Variants in KCNV2 observed in about 807,000 individuals in gnomAD.
The protein encoded by KCNV2 is potassium voltage-gated channel subfamily V member 2.
Under a neutral mutation model 37.0 loss-of-function variants are expected in KCNV2, and 65 were observed. That is an observed-to-expected ratio of 1.76 (90% confidence interval 1.44 to 2.16). The LOEUF is 2.16. KCNV2 is among the 30% of genes most tolerant of loss of function. The pLI, the probability that KCNV2 is intolerant of heterozygous loss-of-function variation, is 0.00. For missense variants in KCNV2, 1,232 were observed against 766.7 expected, an observed-to-expected ratio of 1.61 and a Z score of -7.17; for synonymous variants, 518 against 328.6, an observed-to-expected ratio of 1.58 and a Z score of -6.23.
In KCNV2 at chr9:2,719,352, A is replaced by G. The variant is rs116581342; in HGVS notation, c.1356+257A>G. On this transcript the variant is annotated intron_variant, in intron 1 of 1. Transcript: ENST00000382082. The stretch of plus-strand genomic sequence containing the variant: ...TAGATTTCGTCTTCAAACCTTTAAA[A>G]GACAGGTTTTAAAGAAGATGCGTCA... 9.7e-3 allele frequency among the ~76,000 whole-genome samples: 1,471 copies of G among 152,306 alleles called. 20 individuals carry two copies. Among genetic ancestry groups the G allele is most frequent in the African/African-American group, 0.033 (1,380 of 41,566 alleles).
intron 1 of KCNV2, among the ~76,000 whole-genome samples, chr9:2,723,761 C>A (rs1007022): frequency 0.077 from 11,776 of 152,136 alleles, 547 homozygotes; most frequent in Admixed American, 0.1. Flanking sequence ...ATAAAACATA[C>A]GAGAAGGTCA....
At chr9:2,720,772 TTTTCGACC>T (rs1191144159) in intron 1 of KCNV2, among the ~76,000 whole-genome samples, 3 of 152,344 alleles carry the variant, frequency 2.0e-5, no homozygotes, top group East Asian at 3.9e-4. Flanking sequence ...CACAAAAGTT[TTTTCGACC>T]TTTTGTATAT....
intron 1 of KCNV2, among the ~76,000 whole-genome samples, chr9:2,727,289 TG>T (rs1819984207): frequency 3.0e-5 from 1 of 33,500 alleles, no homozygotes; most frequent in Admixed American, 3.4e-4. Context: ...TGTTGTGGGG[TG>T]GGGGAGGGGG....
Position 2,718,779 on chromosome 9 carries a change from A to C in KCNV2, c.1040A>C (p.Tyr347Ser), listed in dbSNP as rs530163400. ...LVDLVAILPL[Y>S]LQLLLECFTG... ...GACCTGGTGGCCATCCTGCCGCTCT[A>C]CCTTCAGCTGCTGCTCGAGTGCTTC... Residue 347 changes from tyrosine (Y) to serine (S), a missense_variant, in exon 1 of 2, where the codon TAC becomes TCC. Transcript: ENST00000382082. 5 of 1,611,088 alleles carry C rather than the reference A, an allele frequency of 3.1e-6. No homozygotes were observed. The South Asian group carries it at 5.5e-5, about 18-fold the overall frequency.
At chr9:2,723,280 G>T (rs1253331366) in intron 1 of KCNV2, among the ~76,000 whole-genome samples, 1 of 152,164 alleles carries the variant, frequency 6.6e-6, no homozygotes, top group Admixed American at 6.5e-5. Context: ...CCACATTACA[G>T]AGAGTTTCTC....
chr9:2,719,050 C>T lies in KCNV2; in HGVS notation c.1311C>T (p.Pro437=). ...AAVYSVEHDV[P]STNFTTIPHS... ...TCTACTCTGTGGAGCACGATGTGCC[C>T]AGCACCAACTTCACTACCATCCCCC... Residue 437 remains proline, a synonymous_variant, in exon 1 of 2, where the codon CCC becomes CCT. Coordinates refer to ENST00000382082, the MANE Select transcript of KCNV2 (RefSeq NM_133497.4). The T allele has an allele frequency of 6.2e-7, 1 of 1,612,522 alleles. No homozygotes were observed. The highest frequency in any genetic ancestry group is 8.5e-7 in the Non-Finnish European group (1 of 1,180,016).
At position 2,718,332 on chromosome 9, in the gene KCNV2, G is replaced by A. The variant is rs767845584; in HGVS notation, c.593G>A (p.Cys198Tyr). 6 of 1,603,526 alleles carry A rather than the reference G, an allele frequency of 3.7e-6. No individual in the cohort carries two copies. The highest frequency in any genetic ancestry group is 5.1e-6 in the Non-Finnish European group (6 of 1,177,100). ...WGVRLKYTPR[C>Y]CRICFEERRD... ...GTGCGGCTCAAGTACACGCCACGCT[G>A]CTGCCGCATCTGCTTCGAGGAGCGG... The change falls in exon 1 of 2, where the codon TGC becomes TAC. Residue 198 changes from cysteine to tyrosine, a missense_variant. Coordinates refer to ENST00000382082, the MANE Select transcript of KCNV2 (RefSeq NM_133497.4).
Position 2,717,585 on chromosome 9 carries a change from C to T in KCNV2, c.-155C>T, listed in dbSNP as rs1819751646. On this transcript the variant is annotated 5_prime_UTR_variant, in exon 1 of 2. Coordinates refer to ENST00000382082, the MANE Select transcript of KCNV2 (RefSeq NM_133497.4). The stretch of plus-strand genomic sequence containing the variant: ...GCCCAGGACCTGAGAAGGGGCAGCT[C>T]CGGTGGCAATGTCTGAGCCCCTAGC... 2 of 911,718 alleles carry T rather than the reference C, an allele frequency of 2.2e-6. No individual in the cohort carries two copies. Among genetic ancestry groups the T allele is most frequent in the Non-Finnish European group, 1.7e-6 (1 of 586,740 alleles). 56.5% of individuals were successfully genotyped at this position (911,718 alleles called of 1,614,324 possible).
At chr9:2,725,105 C>G (rs10967743) in intron 1 of KCNV2, among the ~76,000 whole-genome samples, 8,154 of 152,152 alleles carry the variant, frequency 0.054, 751 homozygotes, top group African/African-American at 0.19. Context: ...ATTGAGGGCA[C>G]GGAGAAATGC....
chr9:2,727,058 T>C (rs112864220), intron 1 of KCNV2, among the ~76,000 whole-genome samples: 1,905 of 152,234 alleles, frequency 0.013, 36 homozygotes, highest in African/African-American at 0.043. Context: ...CCCCTTCCTG[T>C]CACTCACTCC....
rs1314234912 is a variant in KCNV2, at chr9:2,729,436, T to C, written c.1357-10T>C. On this transcript the variant is annotated splice_polypyrimidine_tract_variant and intron_variant, in intron 1 of 1. Transcript: ENST00000382082. ...GCTAACAATTCCATCCTGCTTTCCT[T>C]CCTCTACAGGTGAGCATCTCCACCG... is the stretch of plus-strand genomic sequence containing the variant. 6.2e-7 allele frequency: 1 copy of C among 1,612,932 alleles called. No homozygotes were observed. Among genetic ancestry groups the C allele is most frequent in the Non-Finnish European group, 8.5e-7 (1 of 1,179,940 alleles).
At chr9:2,719,591 C>CCAG (rs1819825945) in intron 1 of KCNV2, among the ~76,000 whole-genome samples, 1 of 152,170 alleles carries the variant, frequency 6.6e-6, no homozygotes, top group Admixed American at 6.5e-5. Context: ...ATCCCACCAC[C>CCAG]TCTGGTTCCA....
At position 2,718,751 on chromosome 9, in the gene KCNV2, G is replaced by A. The variant is rs1819799162; in HGVS notation, c.1012G>A (p.Val338Met). The A allele has an allele frequency of 1.2e-6, 2 of 1,611,626 alleles. No homozygotes were observed. The highest frequency in any genetic ancestry group is 4.5e-5 in the East Asian group (2 of 44,870). Residue 338 changes from valine to methionine, a missense_variant, in exon 1 of 2, where the codon GTG becomes ATG. Val to Met is a conservative substitution (Grantham distance 21). Transcript: ENST00000382082. ...CTTCGCGCGCAGCGCCCTCAACCTG[G>A]TGGACCTGGTGGCCATCCTGCCGCT... is the stretch of plus-strand genomic sequence containing the variant. Reference protein sequence around the residue: ...RRFARSALNLVDLVAILPLYL... With the variant: ...RRFARSALNLMDLVAILPLYL...
Position 2,718,562 on chromosome 9 carries a change from G to A in KCNV2, c.823G>A (p.Val275Met). The A allele has an allele frequency of 2.5e-6, 4 of 1,612,570 alleles. No individual in the cohort carries two copies. In the African/African-American group the frequency reaches 5.3e-5, roughly 21 times the overall value. The change falls in exon 1 of 2, where the codon GTG becomes ATG. Residue 275 changes from valine to methionine, a missense_variant. Physicochemically the swap from Val to Met is conservative, Grantham distance 21. Coordinates refer to ENST00000382082, the MANE Select transcript of KCNV2 (RefSeq NM_133497.4). Reference protein sequence around the residue: ...ASSTFVLVSVVALALNTVEEM... With the variant: ...ASSTFVLVSVMALALNTVEEM... Reference sequence around the variant, plus strand: ...CAGCACCTTCGTGCTCGTCTCCGTGGTGGCGCTGGCGCTCAACACCGTGGA... The same window carrying A: ...CAGCACCTTCGTGCTCGTCTCCGTGATGGCGCTGGCGCTCAACACCGTGGA...
At chr9:2,722,492 GTTAT>G (rs1819895878) in intron 1 of KCNV2, among the ~76,000 whole-genome samples, 1 of 130,898 alleles carries the variant, frequency 7.6e-6, no homozygotes, top group Non-Finnish European at 1.6e-5. Context: ...ATAAATAGAA[GTTAT>G]TTATAAATAA....
rs1265425690 is a variant in KCNV2 at position 2,717,820 on chromosome 9, C to T, written c.81C>T (p.Arg27=). The change falls in exon 1 of 2, where the codon CGC becomes CGT. Residue 27 remains arginine, a synonymous_variant. Coordinates refer to ENST00000382082, the MANE Select transcript of KCNV2 (RefSeq NM_133497.4). ...CGGAGAATGAGGGCAGCCAACACCGCAGGAGCATTTGCTCCCTGGGTGCCC... is the reference window on the plus strand; with the variant it reads ...CGGAGAATGAGGGCAGCCAACACCGTAGGAGCATTTGCTCCCTGGGTGCCC... ...NTTENEGSQH[R]RSICSLGARS... 2 of 1,614,248 alleles carry T rather than the reference C, an allele frequency of 1.2e-6. No individual in the cohort carries two copies. Among genetic ancestry groups the T allele is most frequent in the East Asian group, 2.2e-5 (1 of 44,882 alleles).
chr9:2,718,865 TTGCGCGTCA>T lies in KCNV2; in HGVS notation c.1132_1140del (p.Val378_Arg380del). Reference sequence around the variant, plus strand: ...CAGCGTGGGTAAGGTGGGTCAGGTGTTGCGCGTCATGCGCCTCATGCGCATCTTCCGCAT... The same window carrying T: ...CAGCGTGGGTAAGGTGGGTCAGGTGTTGCGCCTCATGCGCATCTTCCGCAT... On this transcript the variant is annotated inframe_deletion, in exon 1 of 2. Transcript: ENST00000382082. 1 of 1,608,940 alleles carries T rather than the reference TTGCGCGTCA, an allele frequency of 6.2e-7. No individual in the cohort carries two copies. Among genetic ancestry groups the T allele is most frequent in the Non-Finnish European group, 8.5e-7 (1 of 1,179,828 alleles).
intron 1 of KCNV2, among the ~76,000 whole-genome samples, chr9:2,726,014 A>C (rs1387498340): frequency 2.6e-5 from 4 of 152,216 alleles, no homozygotes; most frequent in African/African-American, 9.7e-5. Context: ...CAGTTTGCAG[A>C]GTTGCTGAGC....
Position 2,718,571 on chromosome 9 carries a change from G to A in KCNV2, c.832G>A (p.Ala278Thr), listed in dbSNP as rs747313664. The A allele has an allele frequency of 2.5e-6, 4 of 1,612,632 alleles. No individual in the cohort carries two copies. The African/African-American group carries it at 4.0e-5, about 16-fold the overall frequency. Residue 278 changes from alanine (A) to threonine (T), a missense_variant, in exon 1 of 2, where the codon GCG becomes ACG. Transcript: ENST00000382082. ...CGTGCTCGTCTCCGTGGTGGCGCTG[G>A]CGCTCAACACCGTGGAGGAGATGCA... ...TFVLVSVVAL[A>T]LNTVEEMQQH...
Sources: gnomAD v4.1 joint callset for allele counts (sites outside exome capture counted in the v4.1 genomes callset) on GRCh38, gnomAD v4.1.1 for gene constraint, MANE v1.5 for transcripts, NCBI Gene and HGNC (gene_info 2026-07-23, HGNC 2026-07-21) for gene names.